Variants in C12orf42 observed in about 807,000 individuals in gnomAD.
The protein encoded by C12orf42 is uncharacterized protein C12orf42.
C12orf42 carries 25 observed loss-of-function variants against 21.6 expected under a neutral mutation model. The ratio of observed to expected loss-of-function variants is 1.16; its 90% CI spans 0.84 to 1.62. C12orf42 has a LOEUF of 1.62. Among genes scored for constraint, C12orf42 ranks in the 40% most tolerant of loss-of-function variants. The pLI, the probability that C12orf42 is intolerant of heterozygous loss-of-function variation, is 0.00. For missense variants in C12orf42, 483 were observed against 459.3 expected, an observed-to-expected ratio of 1.05 and a Z score of -0.47; for synonymous variants, 174 against 175.0, an observed-to-expected ratio of 0.99 and a Z score of 0.05.
downstream of C12orf42, among the ~76,000 whole-genome samples, chr12:103,267,429 CAT>C (rs1429387468): frequency 1.3e-5 from 2 of 151,894 alleles, no homozygotes; most frequent in Non-Finnish European, 2.9e-5. Context: ...ACAATTGTAA[CAT>C]ATATGTATAC....
the C12orf42 span, among the ~76,000 whole-genome samples, chr12:103,502,064 C>G: frequency 0.038 from 5,843 of 152,238 alleles, 382 homozygotes; most frequent in African/African-American, 0.12. Flanking sequence ...TTTGTACTCA[C>G]CTTTTTTATC....
the C12orf42 span, among the ~76,000 whole-genome samples, chr12:103,065,625 G>A: frequency 1.3e-5 from 2 of 152,214 alleles, no homozygotes; most frequent in Non-Finnish European, 2.9e-5. Context: ...TTATTAATGA[G>A]ACGTTTGTGT....
chr12:103,140,242 C>T, the C12orf42 span, among the ~76,000 whole-genome samples: 1 of 152,152 alleles, frequency 6.6e-6, no homozygotes, highest in African/African-American at 2.4e-5. Flanking sequence ...AACACACTGG[C>T]TTCTGTTTTT....
At chr12:103,153,899 A>G in the C12orf42 span, among the ~76,000 whole-genome samples, 887 of 152,104 alleles carry the variant, frequency 5.8e-3, 8 homozygotes, top group Non-Finnish European at 7.8e-3. Context: ...CAAAACTATA[A>G]CTTTCAAAAT....
intron 4 of C12orf42, among the ~76,000 whole-genome samples, chr12:103,318,530 A>C (rs2039764030): frequency 6.6e-6 from 1 of 152,112 alleles, no homozygotes; most frequent in African/African-American, 2.4e-5. Context: ...TTGTTTTTTG[A>C]ATTTTTGCCT....
intron 2 of C12orf42, among the ~76,000 whole-genome samples, chr12:103,418,310 C>A (rs11611918): frequency 0.069 from 10,455 of 152,110 alleles, 584 homozygotes; most frequent in African/African-American, 0.15. Flanking sequence ...GGCATGCCGT[C>A]TTCTAGATAG....
the C12orf42 span, among the ~76,000 whole-genome samples, chr12:103,144,856 C>T: frequency 1.3e-5 from 2 of 152,100 alleles, no homozygotes; most frequent in Non-Finnish European, 2.9e-5. Flanking sequence ...TTAGAATGAG[C>T]AAAAACCATG....
rs1218957688 is a variant in C12orf42 at position 103,256,125 on chromosome 12, C to T, written c.*1366+7201G>A. Among the ~76,000 whole-genome samples the T allele has an allele frequency of 6.6e-3, 585 of 88,600 alleles. 5 individuals carry two copies. The highest frequency in any genetic ancestry group is 0.055 in the East Asian group (134 of 2,442). 58.1% of individuals were successfully genotyped at this position (88,600 alleles called of 152,430 possible). A position where few individuals can be genotyped will look rare whatever the true frequency, so the allele number is the denominator to read the frequency against. The stretch of plus-strand genomic sequence containing the variant: ...ATATATATATATACACACACACACA[C>T]ACACACACACACACACACACGTATA... On this transcript the variant is annotated intron_variant and NMD_transcript_variant, in intron 10 of 10. Transcript: ENST00000547347.
the C12orf42 span, among the ~76,000 whole-genome samples, chr12:103,072,251 T>C: frequency 2.0e-5 from 3 of 152,130 alleles, no homozygotes; most frequent in South Asian, 4.1e-4. Context: ...TTTTAAAAAA[T>C]AGTAACAGAG....
At chr12:103,207,212 A>G in the C12orf42 span, among the ~76,000 whole-genome samples, 2 of 152,308 alleles carry the variant, frequency 1.3e-5, no homozygotes, top group Admixed American at 6.5e-5. Flanking sequence ...GCTGACCCAG[A>G]TAGAAATATA....
intron 10 of C12orf42, among the ~76,000 whole-genome samples, chr12:103,254,656 C>T (rs572714772): frequency 2.0e-5 from 3 of 152,238 alleles, no homozygotes; most frequent in East Asian, 3.9e-4. Flanking sequence ...CAAACTAATA[C>T]GGGAACAGAA....
the C12orf42 span, among the ~76,000 whole-genome samples, chr12:103,145,370 G>A: frequency 3.9e-5 from 6 of 152,150 alleles, no homozygotes; most frequent in Admixed American, 2.6e-4. Flanking sequence ...GATACTCATG[G>A]CCATTGACAG....
At chr12:103,544,798 AT>A in the C12orf42 span, among the ~76,000 whole-genome samples, 3 of 151,146 alleles carry the variant, frequency 2.0e-5, no homozygotes, top group East Asian at 1.9e-4. Context: ...CCATCTATTG[AT>A]TTTTTTTCCC....
the C12orf42 span, among the ~76,000 whole-genome samples, chr12:103,101,324 A>T: frequency 2.0e-5 from 3 of 152,250 alleles, no homozygotes; most frequent in African/African-American, 7.2e-5. Context: ...GAGAGGAATG[A>T]TTCAAGCTGC....
intron 2 of C12orf42, among the ~76,000 whole-genome samples, chr12:103,415,602 A>G (rs768486721): frequency 1.3e-5 from 2 of 152,320 alleles, no homozygotes; most frequent in Non-Finnish European, 2.9e-5. Flanking sequence ...AGTGCAATGA[A>G]AATAGAAATC....
At chr12:103,103,057 C>T in the C12orf42 span, among the ~76,000 whole-genome samples, 7 of 152,298 alleles carry the variant, frequency 4.6e-5, no homozygotes, top group Admixed American at 4.6e-4. Context: ...ATCTTTCCTC[C>T]ACCCTAGTAT....
intron 2 of C12orf42, among the ~76,000 whole-genome samples, chr12:103,453,853 TTC>T (rs1044013816): frequency 6.6e-6 from 1 of 152,150 alleles, no homozygotes; most frequent in Non-Finnish European, 1.5e-5. Flanking sequence ...AACATATAGC[TTC>T]TTTCTTCTGT....
the C12orf42 span, among the ~76,000 whole-genome samples, chr12:103,200,241 T>C: frequency 1.3e-5 from 2 of 152,078 alleles, no homozygotes; most frequent in African/African-American, 2.4e-5. Context: ...GAAGGGCAAA[T>C]ACTACATGAC....
At chr12:103,560,729 TC>T in the C12orf42 span, among the ~76,000 whole-genome samples, 13 of 152,208 alleles carry the variant, frequency 8.5e-5, no homozygotes, top group Non-Finnish European at 1.6e-4. Context: ...GGAATCTGGC[TC>T]AGCTATTTGC....
Sources: gnomAD v4.1 joint callset for allele counts (sites outside exome capture counted in the v4.1 genomes callset) on GRCh38, gnomAD v4.1.1 for gene constraint, MANE v1.5 for transcripts, NCBI Gene and HGNC (gene_info 2026-07-23, HGNC 2026-07-21) for gene names.